PCDHAC1: variants seen among roughly 807,000 people sequenced by gnomAD.
PCDHAC1 encodes the protein protocadherin alpha subfamily C, 1.
Under a neutral mutation model 60.0 loss-of-function variants are expected in PCDHAC1, and 42 were observed. That is an observed-to-expected ratio of 0.70 (90% CI 0.55 to 0.90). The LOEUF is 0.90. Ranked by LOEUF, PCDHAC1 falls within the 40% of genes least tolerant of loss-of-function variation. The pLI is 0.00. For missense variants in PCDHAC1, 1,160 were observed against 1,222.3 expected, an observed-to-expected ratio of 0.95 and a Z score of 0.76; for synonymous variants, 468 against 499.3, an observed-to-expected ratio of 0.94 and a Z score of 0.84.
At chr5:140,982,296 C>A in intron 2 of PCDHAC1, 179 bp from the exon 3 acceptor site, 1 of 1,167,132 alleles carries the variant, frequency 8.6e-7, no homozygotes, top group Non-Finnish European at 1.2e-6. Flanking sequence ...AGTAAGTCAG[C>A]AATGCTTCTG....
chr5:141,009,975 GTAA>G lies in PCDHAC1; in HGVS notation c.*43_*45del. The G allele has an allele frequency of 6.3e-7, 1 of 1,585,060 alleles. No individual in the cohort carries two copies. Among genetic ancestry groups the G allele is most frequent in the Non-Finnish European group, 8.6e-7 (1 of 1,168,878 alleles). ...GAAACAAGCCACTTAGCCAGTTTTT[GTAA>G]TAATGGCAAATCTCTCCCATGTAGC... On this transcript the variant is annotated 3_prime_UTR_variant, in exon 4 of 4. Coordinates refer to ENST00000253807, the MANE Select transcript of PCDHAC1 (RefSeq NM_018898.5).
At position 140,946,631 on chromosome 5, in the gene PCDHAC1, T is replaced by TATATATATATATATATACAC. The variant is rs57893927; in HGVS notation, c.2433+17307_2433+17308insTATATATATATATATACACA. 2.9e-4 allele frequency among the ~76,000 whole-genome samples: 38 copies of TATATATATATATATATACAC among 131,846 alleles called. No individual in the cohort carries two copies. The East Asian group carries it at 4.9e-3, about 17-fold the overall frequency. The allele number at this position is 131,846 out of a possible 152,430, so 86.5% of individuals were successfully genotyped here. A position where few individuals can be genotyped will look rare whatever the true frequency, so the allele number is the denominator to read the frequency against. On this transcript the variant is annotated intron_variant, in intron 1 of 3. Transcript: ENST00000253807. ...TGTGAAATATATATATATATATATATACAATGGAATACTCATCAGCCATTA... is the reference window on the plus strand; with the variant it reads ...TGTGAAATATATATATATATATATATATATATATATATATATACACACAATGGAATACTCATCAGCCATTA...
In PCDHAC1 at chr5:141,011,632, C is replaced by T. The variant is rs1333162247; in HGVS notation, c.*1695C>T. Reference sequence around the variant, plus strand: ...TTTATGGTCCAGCCAAGAGCCATCTCGTGCCAAGACTTCTGCTGGCAAGGG... The same window carrying T: ...TTTATGGTCCAGCCAAGAGCCATCTTGTGCCAAGACTTCTGCTGGCAAGGG... On this transcript the variant is annotated 3_prime_UTR_variant, in exon 4 of 4. Transcript: ENST00000253807. The T allele has an allele frequency of 1.3e-5, 2 of 153,656 alleles. No homozygotes were observed. The highest frequency in any genetic ancestry group is 4.8e-5 in the African/African-American group (2 of 41,412). 9.5% of individuals were successfully genotyped at this position (153,656 alleles called of 1,614,324 possible).
At chr5:140,975,963 A>G (rs2096691903) in intron 1 of PCDHAC1, among the ~76,000 whole-genome samples, 1 of 152,186 alleles carries the variant, frequency 6.6e-6, no homozygotes, top group Non-Finnish European at 1.5e-5. Flanking sequence ...TTCTTCACCA[A>G]TAGAAAGTAA....
At chr5:140,950,751 T>G (rs1051693960) in intron 1 of PCDHAC1, among the ~76,000 whole-genome samples, 3 of 152,154 alleles carry the variant, frequency 2.0e-5, no homozygotes, top group African/African-American at 7.2e-5. Flanking sequence ...CTCTCTATCC[T>G]TTCTGGACTC....
rs73793533 is a variant in PCDHAC1 at position 140,949,932 on chromosome 5, T to A, written c.2433+20607T>A. On this transcript the variant is annotated intron_variant, in intron 1 of 3. Transcript: ENST00000253807. Reference sequence around the variant, plus strand: ...GATATAACTATTTTTAGATTTTTTTTAATTTGCATTTTTTAGTGGTTGCTG... The same window carrying A: ...GATATAACTATTTTTAGATTTTTTTAAATTTGCATTTTTTAGTGGTTGCTG... Among the ~76,000 whole-genome samples, 1,356 of 151,758 alleles carry A rather than the reference T, an allele frequency of 8.9e-3. 15 individuals carry two copies. The highest frequency in any genetic ancestry group is 0.032 in the African/African-American group (1,309 of 41,514).
At chr5:140,962,772 T>C (rs1039768584) in intron 1 of PCDHAC1, among the ~76,000 whole-genome samples, 2 of 152,336 alleles carry the variant, frequency 1.3e-5, no homozygotes, top group Admixed American at 1.3e-4. Context: ...TTTAACAAGA[T>C]GGAATTTTTA....
At chr5:140,991,590 G>A (rs1211923014) in intron 3 of PCDHAC1, among the ~76,000 whole-genome samples, 2 of 152,098 alleles carry the variant, frequency 1.3e-5, no homozygotes, top group Non-Finnish European at 2.9e-5. Context: ...ATTTCTACCT[G>A]AGCCCTCACT....
rs782637341 is a variant in PCDHAC1, at chr5:141,010,225, C to A, written c.*288C>A. Reference sequence around the variant, plus strand: ...CCGCCGCAAAGGAGAGGCTTCCCAGCCCCGCCAGTGAGAGGTTGGACTCTC... The same window carrying A: ...CCGCCGCAAAGGAGAGGCTTCCCAGACCCGCCAGTGAGAGGTTGGACTCTC... On this transcript the variant is annotated 3_prime_UTR_variant, in exon 4 of 4. Transcript: ENST00000253807. 11 of 1,551,730 alleles carry A rather than the reference C, an allele frequency of 7.1e-6. No homozygotes were observed. The highest frequency in any genetic ancestry group is 8.7e-6 in the Non-Finnish European group (10 of 1,147,034).
chr5:140,993,454 T>G (rs1343043993), intron 3 of PCDHAC1, among the ~76,000 whole-genome samples: 1 of 133,974 alleles, frequency 7.5e-6, no homozygotes, highest in Non-Finnish European at 1.6e-5. Flanking sequence ...GTTCTCCTTC[T>G]TTCTTTCTCA....
At chr5:140,941,219 C>CTT (rs1308794823) in intron 1 of PCDHAC1, among the ~76,000 whole-genome samples, 11 of 125,974 alleles carry the variant, frequency 8.7e-5, no homozygotes, top group African/African-American at 3.2e-4. Flanking sequence ...TTCTTCCTTT[C>CTT]TTTCTTTCTT....
intron 1 of PCDHAC1, among the ~76,000 whole-genome samples, chr5:140,971,500 T>C (rs2096483313): frequency 1.3e-5 from 2 of 152,136 alleles, no homozygotes; most frequent in Admixed American, 1.3e-4. Context: ...TGTGGCAAGA[T>C]AGGAGCAAAA....
intron 3 of PCDHAC1, among the ~76,000 whole-genome samples, chr5:140,993,629 T>G (rs1359195159): frequency 5.9e-5 from 9 of 152,160 alleles, no homozygotes; most frequent in Non-Finnish European, 1.0e-4. Flanking sequence ...CTATATATAG[T>G]CGTGTACCAA....
chr5:140,967,487 G>C, intron 1 of PCDHAC1: 8 of 1,613,290 alleles, frequency 5.0e-6, no homozygotes, highest in Non-Finnish European at 6.8e-6. Context: ...CTCGGGTACG[G>C]CACAGATCTC....
intron 1 of PCDHAC1, among the ~76,000 whole-genome samples, chr5:140,932,733 C>A (rs2088585680): frequency 1.3e-5 from 2 of 151,034 alleles, no homozygotes; most frequent in Admixed American, 6.6e-5. Context: ...TAATATAGAC[C>A]CTCAAATCAG....
intron 3 of PCDHAC1, among the ~76,000 whole-genome samples, chr5:141,006,294 C>T (rs2098266534): frequency 6.6e-6 from 1 of 152,048 alleles, no homozygotes; most frequent in African/African-American, 2.4e-5. Flanking sequence ...TCACTGCAAG[C>T]TCCACTTCCC....
Position 141,009,908 on chromosome 5 carries a change from A to G in PCDHAC1, c.2863A>G (p.Asn955Asp), listed in dbSNP as rs1295693430. The G allele has an allele frequency of 6.2e-7, 1 of 1,612,848 alleles. No individual in the cohort carries two copies. Among genetic ancestry groups the G allele is most frequent in the Non-Finnish European group, 8.5e-7 (1 of 1,179,798 alleles). Residue 955 changes from asparagine to aspartate, a missense_variant, in exon 4 of 4, where the codon AAC (asparagine) becomes GAC (aspartate). By Grantham distance (23) the Asn-to-Asp change is conservative (BLOSUM62 1). Transcript: ENST00000253807. Reference sequence around the variant, plus strand: ...GACCCAGGAGAAAAAAGAGAAAGGGAACAGCACGACTGACAACAGTGACCA... The same window carrying G: ...GACCCAGGAGAAAAAAGAGAAAGGGGACAGCACGACTGACAACAGTGACCA... ...NKTQEKKEKG[N>D]STTDNSDQ
intron 1 of PCDHAC1, among the ~76,000 whole-genome samples, chr5:140,973,378 A>C (rs1453357452): frequency 6.6e-6 from 1 of 152,238 alleles, no homozygotes; most frequent in Non-Finnish European, 1.5e-5. Context: ...CAATGGTCAG[A>C]ATAGACAAAG....
chr5:141,008,439 G>A (rs2098377388), intron 3 of PCDHAC1, among the ~76,000 whole-genome samples: 1 of 152,128 alleles, frequency 6.6e-6, no homozygotes, highest in African/African-American at 2.4e-5. Context: ...TGCCCAGACA[G>A]ACCATTACCC....
Sources: gnomAD v4.1 joint callset for allele counts (sites outside exome capture counted in the v4.1 genomes callset) on GRCh38, gnomAD v4.1.1 for gene constraint, MANE v1.5 for transcripts, NCBI Gene and HGNC (gene_info 2026-07-23, HGNC 2026-07-21) for gene names.